MSI2: variants seen among roughly 807,000 people sequenced by gnomAD.
MSI2 encodes the protein RNA-binding protein Musashi homolog 2.
In MSI2, 17 loss-of-function variants were observed where a neutral mutation model predicts 45.6. The observed-to-expected ratio is 0.37, with a 90% CI of 0.26 to 0.56. The LOEUF (loss-of-function observed/expected upper bound fraction) is 0.56, where lower values mean the gene tolerates loss of function less well. Among genes scored for constraint, MSI2 ranks in the 20% least tolerant of loss-of-function variants. The pLI is 0.77. For missense variants in MSI2, 293 were observed against 444.2 expected (o/e 0.66, Z 3.06); for synonymous variants, 156 against 158.2 (o/e 0.99, Z 0.11).
intron 7 of MSI2, among the ~76,000 whole-genome samples, chr17:57,563,704 T>TCTGC (rs1203135196): frequency 1.3e-5 from 2 of 149,642 alleles, no homozygotes; most frequent in African/African-American, 5.0e-5. Context: ...TGTCTGTCTG[T>TCTGC]CTGTCTCTCT....
chr17:57,570,978 C>T (rs373102961), intron 7 of MSI2, among the ~76,000 whole-genome samples: 1 of 152,170 alleles, frequency 6.6e-6, no homozygotes, highest in African/African-American at 2.4e-5. Flanking sequence ...GGCCCCTCCC[C>T]CTGCAGATTT....
chr17:57,635,065 C>G (rs1383778042), intron 10 of MSI2, among the ~76,000 whole-genome samples: 1 of 152,168 alleles, frequency 6.6e-6, no homozygotes, highest in East Asian at 1.9e-4. Context: ...ACTAAAAAAG[C>G]AGAGTGGAAC....
intron 5 of MSI2, among the ~76,000 whole-genome samples, chr17:57,302,145 G>C (rs1435296671): frequency 6.6e-6 from 1 of 151,946 alleles, no homozygotes; most frequent in Non-Finnish European, 1.5e-5. Context: ...CATACTTTTG[G>C]GGTACATACG....
chr17:57,286,771 AC>A (rs1406798284), intron 5 of MSI2, among the ~76,000 whole-genome samples: 2 of 148,618 alleles, frequency 1.3e-5, no homozygotes, highest in Non-Finnish European at 3.0e-5. Flanking sequence ...GTAAACCCAC[AC>A]CCCCTCCCCC....
At chr17:57,700,902 TA>T in the MSI2 span, among the ~76,000 whole-genome samples, 38,459 of 145,522 alleles carry the variant, frequency 0.26, 5,028 homozygotes, top group South Asian at 0.4. Flanking sequence ...AACTCTGTCT[TA>T]AAAAAAAAAA....
Position 57,669,270 on chromosome 17 carries a change from G to A in MSI2, c.791-5702G>A, listed in dbSNP as rs766435452. ...CCCCAGGAAGGCCTTTGGCTGCCCA[G>A]TTGCTGAAATTCAGAGCCCTCCAGT... On this transcript the variant is annotated intron_variant, in intron 11 of 13. Coordinates refer to ENST00000284073, the MANE Select transcript of MSI2 (RefSeq NM_138962.4). Among the ~76,000 whole-genome samples, 72 of 152,358 alleles carry A rather than the reference G, an allele frequency of 4.7e-4. 1 individual carries two copies. Among genetic ancestry groups the A allele is most frequent in the Admixed American group, 6.5e-4 (10 of 15,308 alleles).
chr17:57,283,199 C>T (rs767377734), intron 5 of MSI2, among the ~76,000 whole-genome samples: 4 of 152,034 alleles, frequency 2.6e-5, no homozygotes, highest in African/African-American at 7.2e-5. Context: ...TCAAACTCAC[C>T]GGGACTTCTA....
At chr17:57,359,166 C>T (rs1006377527) in intron 5 of MSI2, among the ~76,000 whole-genome samples, 1 of 152,166 alleles carries the variant, frequency 6.6e-6, no homozygotes, top group Non-Finnish European at 1.5e-5. Flanking sequence ...TCCCCTAGGT[C>T]CCACTGCTTG....
chr17:57,332,012 T>A (rs2143734524), intron 5 of MSI2, among the ~76,000 whole-genome samples: 1 of 152,254 alleles, frequency 6.6e-6, no homozygotes, highest in South Asian at 2.1e-4. Flanking sequence ...GTATGGAAAT[T>A]TAATAATAGA....
intron 5 of MSI2, among the ~76,000 whole-genome samples, chr17:57,287,300 C>G (rs1598074297): frequency 6.6e-6 from 1 of 152,196 alleles, no homozygotes; most frequent in South Asian, 2.1e-4. Flanking sequence ...GCGAGGCTGT[C>G]CTGTGTGTCT....
At chr17:57,644,640 T>C (rs950527342) in intron 10 of MSI2, among the ~76,000 whole-genome samples, 1 of 152,156 alleles carries the variant, frequency 6.6e-6, no homozygotes, top group African/African-American at 2.4e-5. Context: ...TGAAGCAACA[T>C]TGGGTTTAGC....
At chr17:57,408,037 A>G (rs2084116783) in intron 6 of MSI2, among the ~76,000 whole-genome samples, 1 of 152,104 alleles carries the variant, frequency 6.6e-6, no homozygotes, top group Non-Finnish European at 1.5e-5. Context: ...GAGTAATATG[A>G]TCCTGGGGCT....
chr17:57,406,087 T>A (rs757471883), intron 6 of MSI2, among the ~76,000 whole-genome samples: 1 of 152,210 alleles, frequency 6.6e-6, no homozygotes, highest in South Asian at 2.1e-4. Flanking sequence ...TTTGTTCATT[T>A]GTCAAAAACG....
chr17:57,332,100 ATTT>A (rs138835359), intron 5 of MSI2, among the ~76,000 whole-genome samples: 4 of 136,418 alleles, frequency 2.9e-5, no homozygotes, highest in Admixed American at 7.4e-5. Flanking sequence ...TCATGTTGCC[ATTT>A]TTTTTTTTTT....
Position 57,529,617 on chromosome 17 carries a change from T to C in MSI2, c.406-59T>C. Reference sequence around the variant, plus strand: ...CCCTCACCCCCCGACATGCATATAATGTTTTGTGTACTTTCTTAAAATTCC... The same window carrying C: ...CCCTCACCCCCCGACATGCATATAACGTTTTGTGTACTTTCTTAAAATTCC... On this transcript the variant is annotated intron_variant, in intron 6 of 13. Transcript: ENST00000284073. This position sits in a 1 kb window ranked among gnomAD's most constrained non-coding sequence, Gnocchi z 5.3. 2.0e-6 allele frequency: 3 copies of C among 1,501,814 alleles called. No individual in the cohort carries two copies. The highest frequency in any genetic ancestry group is 2.3e-5 in the South Asian group (2 of 87,996). 93.0% of individuals were successfully genotyped at this position (1,501,814 alleles called of 1,614,324 possible).
At chr17:57,337,141 G>T (rs1170157516) in intron 5 of MSI2, among the ~76,000 whole-genome samples, 1 of 152,198 alleles carries the variant, frequency 6.6e-6, no homozygotes, top group Admixed American at 6.5e-5. Flanking sequence ...CTAGGCTTGG[G>T]ATTTTAACCC....
intron 5 of MSI2, among the ~76,000 whole-genome samples, chr17:57,323,881 T>C (rs1913555298): frequency 6.6e-6 from 1 of 152,244 alleles, no homozygotes; most frequent in Admixed American, 6.5e-5. Flanking sequence ...GTTCCTGCTG[T>C]ATGAGGAGCA....
At chr17:57,314,856 T>G (rs1342612927) in intron 5 of MSI2, among the ~76,000 whole-genome samples, 1 of 152,118 alleles carries the variant, frequency 6.6e-6, no homozygotes, top group Non-Finnish European at 1.5e-5. Flanking sequence ...AGGTGTGAAC[T>G]CCTGCGCCCG....
At chr17:57,383,823 C>T (rs987600666) in intron 5 of MSI2, among the ~76,000 whole-genome samples, 2 of 152,182 alleles carry the variant, frequency 1.3e-5, no homozygotes, top group South Asian at 2.1e-4. Context: ...CCATCAGCAG[C>T]GAGGTTTACC....
Sources: allele counts gnomAD v4.1 joint callset (sites outside exome capture counted in the v4.1 genomes callset), GRCh38; gene constraint gnomAD v4.1.1; non-coding constraint Gnocchi (gnomAD v3.1); transcripts MANE v1.5; gene names NCBI Gene and HGNC (gene_info 2026-07-23, HGNC 2026-07-21).